Variants in MTBP observed in about 807,000 individuals in gnomAD.
MTBP encodes the protein mdm2-binding protein.
A neutral mutation model predicts 117.0 loss-of-function variants in MTBP; 101 were observed. The observed-to-expected ratio is 0.86, with a 90% confidence interval of 0.73 to 1.02. The LOEUF (loss-of-function observed/expected upper bound fraction) is 1.02, where lower values mean the gene tolerates loss of function less well. MTBP is among the 50% of genes least tolerant of loss of function. The pLI is 0.00. For synonymous variants in MTBP, 350 were observed against 351.5 expected (o/e 1.00, Z 0.05); for missense variants, 970 against 1,030.9 (o/e 0.94, Z 0.81).
chr8:120,452,919 A>G (rs773778375), intron 4 of MTBP: 1 of 152,012 alleles, frequency 6.6e-6, no homozygotes, highest in Non-Finnish European at 1.5e-5. Context: ...CCTGAAAACT[A>G]GAGTTTACAT....
rs973343448 is a variant in MTBP at position 120,461,335 on chromosome 8, A to G, written c.977+80A>G. 3.9e-5 allele frequency: 38 copies of G among 962,712 alleles called. 3 individuals carry two copies. The Admixed American group carries it at 5.2e-4, about 13-fold the overall frequency. 59.6% of individuals were successfully genotyped at this position (962,712 alleles called of 1,614,324 possible). On this transcript the variant is annotated intron_variant, in intron 9 of 21. Transcript: ENST00000305949. ...TGTTCTGGTATTGTCAGGTAAATATACATGTTAGGTATATCTTTTTCATTA... is the reference window on the plus strand; with the variant it reads ...TGTTCTGGTATTGTCAGGTAAATATGCATGTTAGGTATATCTTTTTCATTA...
At chr8:120,461,434 T>C (rs928140399) in intron 9 of MTBP, among the ~76,000 whole-genome samples, 179 bp downstream of exon 9, 1 of 152,148 alleles carries the variant, frequency 6.6e-6, no homozygotes, top group Non-Finnish European at 1.5e-5. Context: ...GGGAAGGAAG[T>C]TCTTGCTTTT....
At chr8:120,511,026 A>C (rs1176636055) in intron 17 of MTBP, among the ~76,000 whole-genome samples, 1 of 152,210 alleles carries the variant, frequency 6.6e-6, no homozygotes, top group African/African-American at 2.4e-5. Context: ...TTGAATCTAA[A>C]TGGTAAGATA....
At chr8:120,488,800 A>G (rs1814276331) in intron 12 of MTBP, among the ~76,000 whole-genome samples, 1 of 152,104 alleles carries the variant, frequency 6.6e-6, no homozygotes, top group Non-Finnish European at 1.5e-5. Context: ...TGTGGGTTGA[A>G]TGAGCTCAGT....
chr8:120,486,279 T>G (rs1003421630), intron 11 of MTBP, among the ~76,000 whole-genome samples: 1 of 152,168 alleles, frequency 6.6e-6, no homozygotes, highest in African/African-American at 2.4e-5. Flanking sequence ...ACCCGCAATC[T>G]GAGTCAGATA....
intron 13 of MTBP, among the ~76,000 whole-genome samples, chr8:120,492,560 A>T (rs946963976): frequency 1.3e-5 from 2 of 152,230 alleles, no homozygotes; most frequent in African/African-American, 4.8e-5. Flanking sequence ...ACAGAAAAAC[A>T]AAATTTGTTC....
chr8:120,491,247 G>A (rs143679179), intron 13 of MTBP, among the ~76,000 whole-genome samples: 1 of 152,104 alleles, frequency 6.6e-6, no homozygotes, highest in African/African-American at 2.4e-5. Flanking sequence ...TAGAAAAAAA[G>A]TTATTCGAAT....
chr8:120,455,029 A>G (rs1359966313), intron 5 of MTBP, among the ~76,000 whole-genome samples: 1 of 151,890 alleles, frequency 6.6e-6, no homozygotes, highest in Non-Finnish European at 1.5e-5. Context: ...TCTCTTTTGG[A>G]TAACAAAATT....
In MTBP at chr8:120,466,731, G is replaced by A. The variant is rs371456870; in HGVS notation, c.1047+2970G>A. 2.7e-3 allele frequency among the ~76,000 whole-genome samples: 415 copies of A among 151,852 alleles called. 1 individual carries two copies. The highest frequency in any genetic ancestry group is 9.4e-3 in the African/African-American group (390 of 41,454). On this transcript the variant is annotated intron_variant, in intron 10 of 21. Coordinates refer to ENST00000305949, the MANE Select transcript of MTBP (RefSeq NM_022045.5). ...CTACTAAAAATACAAAAAATTAGCC[G>A]GGCAAGGAGGCGCTTGCCTGTAGTC...
intron 8 of MTBP, among the ~76,000 whole-genome samples, chr8:120,460,044 C>T (rs1332140877): frequency 6.6e-6 from 1 of 151,942 alleles, no homozygotes; most frequent in African/African-American, 2.4e-5. Flanking sequence ...AATTTAAGAA[C>T]ATGGAAAACA....
At chr8:120,484,848 A>G (rs1045549781) in intron 11 of MTBP, among the ~76,000 whole-genome samples, 2 of 152,040 alleles carry the variant, frequency 1.3e-5, no homozygotes, top group Non-Finnish European at 2.9e-5. Flanking sequence ...TAAGCAATCT[A>G]TTTTGGTCTG....
intron 13 of MTBP, among the ~76,000 whole-genome samples, chr8:120,495,912 C>G (rs1814444437): frequency 6.6e-6 from 1 of 152,034 alleles, no homozygotes; most frequent in South Asian, 2.1e-4. Context: ...GCCTTAGTCT[C>G]TCTTTTGGAT....
At chr8:120,476,067 C>T (rs1480234023) in intron 11 of MTBP, among the ~76,000 whole-genome samples, 1 of 151,960 alleles carries the variant, frequency 6.6e-6, no homozygotes, top group East Asian at 1.9e-4. Flanking sequence ...TATCTAATGT[C>T]ACAGGGTGGA....
intron 10 of MTBP, among the ~76,000 whole-genome samples, chr8:120,468,072 T>C (rs974442738): frequency 5.0e-5 from 1 of 19,932 alleles, no homozygotes; most frequent in Non-Finnish European, 9.5e-5. Flanking sequence ...AAGTCTTATG[T>C]ATGCAAGAAA....
chr8:120,496,228 A>G (rs1814453946), intron 13 of MTBP, among the ~76,000 whole-genome samples: 1 of 152,164 alleles, frequency 6.6e-6, no homozygotes, highest in African/African-American at 2.4e-5. Flanking sequence ...AATCTATCAG[A>G]GCATGCTTTG....
intron 16 of MTBP, 138 bp downstream of exon 16, chr8:120,506,999 G>T: frequency 3.0e-6 from 2 of 668,526 alleles, no homozygotes; most frequent in Non-Finnish European, 4.8e-6. Flanking sequence ...TTTGTCTGTT[G>T]GCCTTAATCT....
intron 7 of MTBP, among the ~76,000 whole-genome samples, chr8:120,457,533 G>T (rs555490202): frequency 2.0e-5 from 3 of 152,210 alleles, no homozygotes; most frequent in East Asian, 3.9e-4. Flanking sequence ...CAATGTGGCT[G>T]GATTTGTCTT....
chr8:120,466,000 A>G (rs948707992), intron 10 of MTBP, among the ~76,000 whole-genome samples: 1 of 152,100 alleles, frequency 6.6e-6, no homozygotes, highest in Non-Finnish European at 1.5e-5. Context: ...AATTTGTTGT[A>G]TTAGATTATC....
intron 8 of MTBP, 129 bp downstream of exon 8, chr8:120,459,478 A>T: frequency 1.2e-6 from 1 of 850,526 alleles, no homozygotes; most frequent in Non-Finnish European, 1.7e-6. Flanking sequence ...TTTTTAATAT[A>T]ATTAAGTACT....
Sources: allele counts gnomAD v4.1 joint callset (sites outside exome capture counted in the v4.1 genomes callset), GRCh38; gene constraint gnomAD v4.1.1; transcripts MANE v1.5; gene names NCBI Gene and HGNC (gene_info 2026-07-23, HGNC 2026-07-21).